Variants in TENM2 observed in about 807,000 individuals in gnomAD.
The protein encoded by TENM2 is teneurin-2.
TENM2 carries 52 observed loss-of-function variants against 245.2 expected under a neutral mutation model. That is an observed-to-expected ratio of 0.21 (90% CI 0.17 to 0.27). TENM2 has a LOEUF of 0.27. Ranked by LOEUF, TENM2 falls within the 10% of genes least tolerant of loss-of-function variation. The probability of loss-of-function intolerance (pLI) is 1.00; values close to 1 mark genes in which losing one functional copy is unlikely to be tolerated. For missense variants in TENM2, 3,046 were observed against 3,666.8 expected (o/e 0.83, Z 4.37); for synonymous variants, 1,363 against 1,438.9 (o/e 0.95, Z 1.19).
the TENM2 span, among the ~76,000 whole-genome samples, chr5:166,987,604 A>C: frequency 6.6e-6 from 1 of 152,080 alleles, no homozygotes; most frequent in Non-Finnish European, 1.5e-5. Flanking sequence ...GGTCAGTATT[A>C]AACTGTGTAT....
At position 167,745,415 on chromosome 5, in the gene TENM2, G is replaced by C. The variant is rs575333491; in HGVS notation, c.503-130571G>C. Among the ~76,000 whole-genome samples the C allele has an allele frequency of 3.7e-3, 569 of 152,328 alleles. 7 individuals are homozygous for C. The highest frequency in any genetic ancestry group is 0.013 in the African/African-American group (552 of 41,582). On this transcript the variant is annotated intron_variant, in intron 2 of 28. Coordinates refer to ENST00000518659, the Ensembl canonical transcript of TENM2. ...GCTGGCTATGGTGTGGAGCTCCATC[G>C]TAAGCCTTGAGACACTGTTCTCAAT...
At chr5:167,312,720 G>A (rs1756112376) in intron 1 of TENM2, among the ~76,000 whole-genome samples, 1 of 151,964 alleles carries the variant, frequency 6.6e-6, no homozygotes, top group Non-Finnish European at 1.5e-5. Context: ...ACTTGTGAGA[G>A]ATGCTTTTTC....
At chr5:167,929,119 AAG>A (rs1177723577) in intron 3 of TENM2, among the ~76,000 whole-genome samples, 1 of 137,160 alleles carries the variant, frequency 7.3e-6, no homozygotes, top group Non-Finnish European at 1.6e-5. Flanking sequence ...GAAAGAAAGA[AAG>A]AAAGAAAGAA....
chr5:168,000,023 C>A (rs1383081703), intron 5 of TENM2, among the ~76,000 whole-genome samples: 1 of 152,208 alleles, frequency 6.6e-6, no homozygotes, highest in Non-Finnish European at 1.5e-5. Context: ...ACCATTCAAG[C>A]CTTGCCCTAG....
intron 1 of TENM2, among the ~76,000 whole-genome samples, chr5:167,312,756 T>A (rs1471504144): frequency 2.6e-5 from 4 of 151,966 alleles, no homozygotes; most frequent in Non-Finnish European, 4.4e-5. Context: ...TTCATAACTA[T>A]CTCTTTAGTT....
chr5:167,906,873 G>A (rs1338802626), intron 3 of TENM2, among the ~76,000 whole-genome samples: 1 of 152,120 alleles, frequency 6.6e-6, no homozygotes, highest in African/African-American at 2.4e-5. Context: ...ATATTTTTGA[G>A]ACCTGACATA....
chr5:168,166,113 A>AT (rs1353186935), intron 13 of TENM2, among the ~76,000 whole-genome samples: 2 of 152,036 alleles, frequency 1.3e-5, no homozygotes, highest in Non-Finnish European at 2.9e-5. Context: ...TGGGGTGGGG[A>AT]TGGGAGTTCT....
intron 4 of TENM2, among the ~76,000 whole-genome samples, chr5:167,983,206 C>T (rs1384442723): frequency 5.9e-5 from 9 of 151,924 alleles, no homozygotes; most frequent in Admixed American, 6.5e-5. Flanking sequence ...GACTCTTCAT[C>T]TCATCCAAAG....
chr5:167,940,356 T>C (rs1779076773), intron 3 of TENM2, among the ~76,000 whole-genome samples: 1 of 152,186 alleles, frequency 6.6e-6, no homozygotes, highest in Non-Finnish European at 1.5e-5. Flanking sequence ...GAGAATAAAA[T>C]AGCATCTTTG....
At chr5:167,590,111 T>G (rs1775778460) in intron 2 of TENM2, among the ~76,000 whole-genome samples, 1 of 84,680 alleles carries the variant, frequency 1.2e-5, no homozygotes, top group Admixed American at 1.3e-4. Context: ...GATTACATTT[T>G]TCTTAAAAAA....
chr5:168,215,216 A>T, exon 21 of TENM2: 1 of 1,613,860 alleles, frequency 6.2e-7, no homozygotes, highest in South Asian at 1.1e-5. Context: ...CCCTTTGATG[A>T]AGCCCGCTGC....
rs77780776 is a variant in TENM2 at position 167,381,305 on chromosome 5, C to T, written c.502+5832C>T. Among the ~76,000 whole-genome samples the T allele has an allele frequency of 5.5e-3, 836 of 152,180 alleles. 10 individuals carry two copies. The highest frequency in any genetic ancestry group is 0.019 in the African/African-American group (804 of 41,512). On this transcript the variant is annotated intron_variant, in intron 2 of 28. Transcript: ENST00000518659. ...ATTATTTAAGTGCTAGCTGTGAGAA[C>T]CTTCTAGAAAATTATTCTTTCTTGC...
chr5:167,493,650 G>T (rs2127546047), intron 2 of TENM2, among the ~76,000 whole-genome samples: 1 of 152,178 alleles, frequency 6.6e-6, no homozygotes, highest in African/African-American at 2.4e-5. Context: ...TGAATTACAT[G>T]ATATCTTAGT....
the TENM2 span, among the ~76,000 whole-genome samples, chr5:167,273,783 A>G: frequency 6.6e-6 from 1 of 152,154 alleles, no homozygotes; most frequent in Admixed American, 6.6e-5. Flanking sequence ...AAATAATGAC[A>G]GTAATAATTT....
At chr5:167,682,496 G>A (rs1446941760) in intron 2 of TENM2, among the ~76,000 whole-genome samples, 1 of 151,990 alleles carries the variant, frequency 6.6e-6, no homozygotes, top group Non-Finnish European at 1.5e-5. Context: ...TATTGTTATG[G>A]ATGCAATACT....
chr5:167,652,204 T>C (rs1251929336), intron 2 of TENM2, among the ~76,000 whole-genome samples: 2 of 152,192 alleles, frequency 1.3e-5, no homozygotes, highest in Admixed American at 6.5e-5. Flanking sequence ...TGGAAATTAC[T>C]TGACCTTAAA....
chr5:168,221,192 C>T (rs1763642233), intron 23 of TENM2, among the ~76,000 whole-genome samples: 1 of 152,126 alleles, frequency 6.6e-6, no homozygotes, highest in South Asian at 2.1e-4. Context: ...TCTCTTCCCA[C>T]TCTGTTACAG....
intron 4 of TENM2, among the ~76,000 whole-genome samples, chr5:167,978,920 C>T (rs184369542): frequency 4.7e-4 from 71 of 152,244 alleles, no homozygotes; most frequent in African/African-American, 1.7e-3. Flanking sequence ...GCTAGAGAAC[C>T]AGTCTCTTGC....
chr5:167,077,057 C>T, the TENM2 span, among the ~76,000 whole-genome samples: 4 of 152,192 alleles, frequency 2.6e-5, no homozygotes, highest in Non-Finnish European at 4.4e-5. Context: ...AACTCCTGAC[C>T]TCAAGTGATC....
Sources: allele counts gnomAD v4.1 joint callset (sites outside exome capture counted in the v4.1 genomes callset), GRCh38; gene constraint gnomAD v4.1.1; transcripts MANE v1.5; gene names NCBI Gene and HGNC (gene_info 2026-07-23, HGNC 2026-07-21).